Variants in MRPS27 observed in about 807,000 individuals in gnomAD.
MRPS27 encodes the protein small ribosomal subunit protein mS27.
In MRPS27, 43 loss-of-function variants were observed where a neutral mutation model predicts 48.9. That is an observed-to-expected ratio of 0.88 (90% CI 0.69 to 1.13). The LOEUF (loss-of-function observed/expected upper bound fraction) is 1.13. MRPS27 is among the 50% of genes most tolerant of loss of function. MRPS27 has a pLI of 0.00. For missense variants in MRPS27, 467 were observed against 476.3 expected (o/e 0.98, Z 0.18); for synonymous variants, 188 against 171.9 (o/e 1.09, Z -0.73).
intron 4 of MRPS27, among the ~76,000 whole-genome samples, chr5:72,263,875 C>T (rs1484242928): frequency 6.6e-6 from 1 of 151,918 alleles, no homozygotes; most frequent in African/African-American, 2.4e-5. Context: ...TACTGTAGGA[C>T]CCAAAAATTC....
intron 4 of MRPS27, among the ~76,000 whole-genome samples, chr5:72,285,060 C>T (rs766600894): frequency 6.6e-6 from 1 of 152,074 alleles, no homozygotes; most frequent in Non-Finnish European, 1.5e-5. Flanking sequence ...CAAGTTGTAC[C>T]GATTTATATA....
intron 4 of MRPS27, among the ~76,000 whole-genome samples, chr5:72,251,962 G>A (rs1748679164): frequency 6.6e-6 from 1 of 152,150 alleles, no homozygotes; most frequent in Non-Finnish European, 1.5e-5. Context: ...CAACCTAAAT[G>A]GAACCATCAG....
chr5:72,307,530 C>T (rs977545050), intron 2 of MRPS27, among the ~76,000 whole-genome samples: 1 of 152,084 alleles, frequency 6.6e-6, no homozygotes, highest in East Asian at 1.9e-4. Flanking sequence ...CTGGGATCTC[C>T]TTCAAAATTA....
intron 4 of MRPS27, among the ~76,000 whole-genome samples, chr5:72,249,152 T>A (rs1419614906): frequency 1.3e-5 from 2 of 152,216 alleles, no homozygotes; most frequent in African/African-American, 2.4e-5. Context: ...TGGGATTTTT[T>A]AAGCATGAAT....
intron 4 of MRPS27, among the ~76,000 whole-genome samples, chr5:72,260,925 G>A (rs1200403273): frequency 5.9e-5 from 9 of 152,142 alleles, no homozygotes; most frequent in African/African-American, 1.2e-4. Context: ...GTGTAGTGGC[G>A]TGATCTCAGC....
chr5:72,313,290 C>T (rs953997642), intron 2 of MRPS27, among the ~76,000 whole-genome samples: 1 of 152,166 alleles, frequency 6.6e-6, no homozygotes, highest in African/African-American at 2.4e-5. Flanking sequence ...GGACTTTATT[C>T]TTAACTGACA....
At chr5:72,260,054 T>TA (rs573721088) in intron 4 of MRPS27, among the ~76,000 whole-genome samples, 64 of 152,328 alleles carry the variant, frequency 4.2e-4, no homozygotes, top group African/African-American at 1.3e-3. Context: ...TATTGATGAC[T>TA]AAAAAATCAT....
At chr5:72,309,289 A>G (rs576777153) in intron 2 of MRPS27, among the ~76,000 whole-genome samples, 29 of 151,774 alleles carry the variant, frequency 1.9e-4, no homozygotes, top group African/African-American at 6.8e-4. Flanking sequence ...TTTTTGAGAC[A>G]GAGTCAGCTC....
At chr5:72,295,375 T>A (rs946897074) in intron 4 of MRPS27, 156 bp downstream of exon 4, 1 of 566,522 alleles carries the variant, frequency 1.8e-6, no homozygotes, top group Admixed American at 3.4e-5. Context: ...AAAATGCAGT[T>A]ATAAAAAATC....
intron 4 of MRPS27, among the ~76,000 whole-genome samples, chr5:72,293,006 G>A (rs1749871975): frequency 6.6e-6 from 1 of 152,168 alleles, no homozygotes; most frequent in Admixed American, 6.5e-5. Flanking sequence ...AATGATTGAA[G>A]GCCTAACTGG....
intron 3 of MRPS27, among the ~76,000 whole-genome samples, chr5:72,297,142 T>A (rs766336609): frequency 2.6e-5 from 4 of 152,212 alleles, no homozygotes; most frequent in Non-Finnish European, 5.9e-5. Context: ...AAGGAACTAA[T>A]ACATTCAAAA....
At chr5:72,291,880 G>A (rs1395180042) in intron 4 of MRPS27, among the ~76,000 whole-genome samples, 1 of 152,122 alleles carries the variant, frequency 6.6e-6, no homozygotes, top group African/African-American at 2.4e-5. Context: ...CTAGCTCCAG[G>A]GCTTCTCAGA....
intron 4 of MRPS27, chr5:72,241,723 C>G: frequency 6.5e-7 from 1 of 1,531,386 alleles, no homozygotes; most frequent in Non-Finnish European, 8.7e-7. Flanking sequence ...AAGAATACAA[C>G]TAACACATTG....
At chr5:72,222,484 G>A (rs1244938190) in intron 10 of MRPS27, 1 of 152,140 alleles carries the variant, frequency 6.6e-6, no homozygotes, top group East Asian at 1.9e-4. Flanking sequence ...CATTTGTAGA[G>A]GAATGAGGGC....
chr5:72,261,277 AG>A (rs1748965978), intron 4 of MRPS27, among the ~76,000 whole-genome samples: 1 of 152,036 alleles, frequency 6.6e-6, no homozygotes, highest in Non-Finnish European at 1.5e-5. Context: ...GTTGAGACGG[AG>A]TCTCGTTTTG....
intron 4 of MRPS27, among the ~76,000 whole-genome samples, chr5:72,271,625 A>T (rs1290961336): frequency 6.6e-6 from 1 of 152,246 alleles, no homozygotes; most frequent in Non-Finnish European, 1.5e-5. Flanking sequence ...CTATGTTCAT[A>T]AAGAGGATTA....
At chr5:72,295,395 C>G in intron 4 of MRPS27, 136 bp downstream of exon 4, 1 of 660,004 alleles carries the variant, frequency 1.5e-6, no homozygotes, top group South Asian at 2.0e-5. Context: ...CAGAAACTCT[C>G]TCTATACTCA....
intron 2 of MRPS27, among the ~76,000 whole-genome samples, chr5:72,300,771 C>G (rs1187904964): frequency 6.6e-6 from 1 of 152,204 alleles, no homozygotes; most frequent in Non-Finnish European, 1.5e-5. Context: ...TAACTACTGT[C>G]CCCACCCTTA....
chr5:72,262,208 G>A (rs1748998800), intron 4 of MRPS27, among the ~76,000 whole-genome samples: 1 of 152,128 alleles, frequency 6.6e-6, no homozygotes, highest in Non-Finnish European at 1.5e-5. Context: ...AATATTTTCT[G>A]ATTCTTGGTT....
Sources: gnomAD v4.1 joint callset for allele counts (sites outside exome capture counted in the v4.1 genomes callset) on GRCh38, gnomAD v4.1.1 for gene constraint, MANE v1.5 for transcripts, NCBI Gene and HGNC (gene_info 2026-07-23, HGNC 2026-07-21) for gene names.